TAB2: variants seen among roughly 807,000 people sequenced by gnomAD.
TAB2 encodes the protein TGF-beta activated kinase 1 (MAP3K7) binding protein 2.
Under a neutral mutation model 65.0 loss-of-function variants are expected in TAB2, and 3 were observed. That is an observed-to-expected ratio of 0.05 (90% CI 0.02 to 0.12). The LOEUF (loss-of-function observed/expected upper bound fraction) is 0.12, where lower values mean the gene tolerates loss of function less well. Among genes scored for constraint, TAB2 ranks in the 10% least tolerant of loss-of-function variants. TAB2 has a pLI of 1.00. For synonymous variants in TAB2, 298 were observed against 285.1 expected, an observed-to-expected ratio of 1.05 and a Z score of -0.46; for missense variants, 623 against 840.3, an observed-to-expected ratio of 0.74 and a Z score of 3.20.
intron 1 of TAB2, among the ~76,000 whole-genome samples, chr6:149,356,958 T>G (rs924808349): frequency 7.2e-5 from 11 of 152,356 alleles, no homozygotes; most frequent in African/African-American, 2.6e-4. Flanking sequence ...ACCTGTCATT[T>G]CAAAAGAGCA....
At chr6:149,344,801 C>T (rs537354) in intron 1 of TAB2, among the ~76,000 whole-genome samples, 54,251 of 151,906 alleles carry the variant, frequency 0.36, 10,046 homozygotes, top group East Asian at 0.6. Context: ...AGGCATTGTG[C>T]AAAGAGTTTT....
intron 1 of TAB2, among the ~76,000 whole-genome samples, chr6:149,279,502 G>A (rs374633651): frequency 9.2e-4 from 140 of 152,248 alleles, no homozygotes; most frequent in African/African-American, 3.1e-3. Context: ...AAGGGGACAC[G>A]TGGCAATGTC....
chr6:149,291,112 C>T (rs1778768565), intron 1 of TAB2, among the ~76,000 whole-genome samples: 2 of 152,260 alleles, frequency 1.3e-5, no homozygotes, highest in South Asian at 4.1e-4. Context: ...TAAAATCAAA[C>T]ACAAGCCCTG....
chr6:149,335,447 G>A (rs1779905793), intron 1 of TAB2, among the ~76,000 whole-genome samples: 2 of 151,942 alleles, frequency 1.3e-5, no homozygotes, highest in South Asian at 4.1e-4. Context: ...GCTCACTGCA[G>A]CCTTAACTTC....
chr6:149,326,667 C>T (rs144041359), intron 1 of TAB2, among the ~76,000 whole-genome samples: 2 of 151,962 alleles, frequency 1.3e-5, no homozygotes, highest in Middle Eastern at 3.2e-3. Context: ...CCTGCCTCAG[C>T]GTCCTGAGTA....
Position 149,399,187 on chromosome 6 carries a change from T to C in TAB2, c.1939+3T>C, listed in dbSNP as rs1267314925. The C allele has an allele frequency of 1.9e-6, 3 of 1,612,850 alleles. No homozygotes were observed. The African/African-American group carries it at 4.0e-5, about 22-fold the overall frequency. On this transcript the variant is annotated splice_donor_region_variant and intron_variant, in intron 6 of 6. Transcript: ENST00000637181. Reference sequence around the variant, plus strand: ...TCCTGTGCCACCAAAACCCAAAGGTTAGTGTATCCATTAAATGTGAAAACT... The same window carrying C: ...TCCTGTGCCACCAAAACCCAAAGGTCAGTGTATCCATTAAATGTGAAAACT...
At chr6:149,252,057 C>A (rs552351393) in intron 1 of TAB2, among the ~76,000 whole-genome samples, 1 of 152,060 alleles carries the variant, frequency 6.6e-6, no homozygotes, top group Non-Finnish European at 1.5e-5. Flanking sequence ...TTCTTAGAGA[C>A]TTCCAGGATA....
intron 6 of TAB2, among the ~76,000 whole-genome samples, chr6:149,404,507 G>A (rs1031153067): frequency 6.6e-6 from 1 of 152,146 alleles, no homozygotes; most frequent in Non-Finnish European, 1.5e-5. Flanking sequence ...AACAGAGCTG[G>A]AGACATCACA....
Position 149,328,254 on chromosome 6 carries a change from A to G in TAB2, c.-90+10239A>G, listed in dbSNP as rs139972058. Among the ~76,000 whole-genome samples the G allele has an allele frequency of 4.6e-5, 7 of 152,272 alleles. No individual in the cohort carries two copies. The East Asian group carries it at 1.4e-3, about 29-fold the overall frequency. On this transcript the variant is annotated intron_variant, in intron 1 of 6. Transcript: ENST00000637181. ...GCAGAATAGCTGGCTAACCCAAGAAATCTTGCCTTACTCATTCTTCTATTG... is the reference window on the plus strand; with the variant it reads ...GCAGAATAGCTGGCTAACCCAAGAAGTCTTGCCTTACTCATTCTTCTATTG...
chr6:149,356,489 A>T (rs912070966), intron 1 of TAB2, among the ~76,000 whole-genome samples: 24 of 152,236 alleles, frequency 1.6e-4, no homozygotes, highest in African/African-American at 5.8e-4. Context: ...GTCCAAGATC[A>T]AGGCACCAGC....
chr6:149,343,697 A>G (rs1022075221), intron 1 of TAB2, among the ~76,000 whole-genome samples: 2 of 152,200 alleles, frequency 1.3e-5, no homozygotes, highest in Non-Finnish European at 2.9e-5. Context: ...GTAACAACAA[A>G]ACCAAAAACT....
At chr6:149,291,790 G>T in intron 1 of TAB2, 1 of 152,290 alleles carries the variant, frequency 6.6e-6, no homozygotes, top group East Asian at 1.9e-4. Flanking sequence ...GAACTGGGGA[G>T]GTGGAGGTTG....
chr6:149,326,092 C>T (rs140279250), intron 1 of TAB2, among the ~76,000 whole-genome samples: 1 of 152,116 alleles, frequency 6.6e-6, no homozygotes, highest in African/African-American at 2.4e-5. Flanking sequence ...AATAAGTTAT[C>T]TGTATTGCTA....
intron 1 of TAB2, among the ~76,000 whole-genome samples, chr6:149,277,552 G>A (rs1162441291): frequency 3.3e-5 from 5 of 152,126 alleles, no homozygotes; most frequent in Admixed American, 2.0e-4. Flanking sequence ...TTGGGGATGA[G>A]AGATGGGGTG....
chr6:149,286,037 T>G (rs1410436299), intron 1 of TAB2, among the ~76,000 whole-genome samples: 1 of 152,206 alleles, frequency 6.6e-6, no homozygotes, highest in East Asian at 1.9e-4. Context: ...ATATATTTTA[T>G]AAATTATTTT....
At chr6:149,391,489 A>G (rs1330733608) in intron 3 of TAB2, among the ~76,000 whole-genome samples, 3 of 149,656 alleles carry the variant, frequency 2.0e-5, no homozygotes, top group African/African-American at 7.4e-5. Flanking sequence ...CGAGCTTTCT[A>G]TCTATTTCTC....
chr6:149,235,739 C>G (rs1027423536), intron 1 of TAB2, among the ~76,000 whole-genome samples: 1 of 152,160 alleles, frequency 6.6e-6, no homozygotes, highest in African/African-American at 2.4e-5. Flanking sequence ...CTTGTGTCAC[C>G]CTGCTCAAGA....
intron 3 of TAB2, among the ~76,000 whole-genome samples, chr6:149,396,273 C>T (rs927717015): frequency 2.0e-5 from 3 of 152,222 alleles, no homozygotes; most frequent in Non-Finnish European, 4.4e-5. Flanking sequence ...CCTTCTCGGC[C>T]TCCCCAAAGT....
chr6:149,286,262 T>C (rs577115459), intron 1 of TAB2, among the ~76,000 whole-genome samples: 1 of 152,320 alleles, frequency 6.6e-6, no homozygotes, highest in African/African-American at 2.4e-5. Context: ...ATGCACAGAA[T>C]ATGAAAAACT....
Sources: gnomAD v4.1 joint callset for allele counts (sites outside exome capture counted in the v4.1 genomes callset) on GRCh38, gnomAD v4.1.1 for gene constraint, MANE v1.5 for transcripts, NCBI Gene and HGNC (gene_info 2026-07-23, HGNC 2026-07-21) for gene names.